The following CELF4 variants were observed in gnomAD, a reference collection of about 807,000 sequenced individuals.
The protein encoded by CELF4 is CUG-BP- and ETR-3-like factor 4.
CELF4 carries 18 observed loss-of-function variants against 59.9 expected under a neutral mutation model. The observed-to-expected ratio is 0.30, with a 90% CI of 0.21 to 0.45. The LOEUF (loss-of-function observed/expected upper bound fraction) is 0.45. Ranked by LOEUF, CELF4 falls within the 20% of genes least tolerant of loss-of-function variation. The pLI, the probability that CELF4 is intolerant of heterozygous loss-of-function variation, is 1.00. For synonymous variants in CELF4, 261 were observed against 267.1 expected, an observed-to-expected ratio of 0.98 and a Z score of 0.22; for missense variants, 456 against 689.0, an observed-to-expected ratio of 0.66 and a Z score of 3.79.
chr18:37,555,896 G>A (rs150936209), intron 1 of CELF4, among the ~76,000 whole-genome samples: 165 of 152,298 alleles, frequency 1.1e-3, no homozygotes, highest in African/African-American at 3.6e-3. Context: ...TGCTTGTGTG[G>A]TGAATGTATG....
intron 7 of CELF4, 60 bp downstream of exon 7, chr18:37,272,956 A>C: frequency 6.5e-7 from 1 of 1,529,080 alleles, no homozygotes; most frequent in South Asian, 1.2e-5. Context: ...ATTAGGTCCC[A>C]GCCTGGGGCC....
chr18:37,493,803 C>T (rs2099920660), intron 1 of CELF4, among the ~76,000 whole-genome samples: 1 of 152,162 alleles, frequency 6.6e-6, no homozygotes, highest in South Asian at 2.1e-4. Flanking sequence ...TTCTTTCAGG[C>T]TCCGTACTGC....
intron 1 of CELF4, among the ~76,000 whole-genome samples, chr18:37,500,178 G>A (rs1401462514): frequency 6.6e-6 from 1 of 152,242 alleles, no homozygotes; most frequent in Admixed American, 6.5e-5. Flanking sequence ...GCGAGGAGGT[G>A]TAGGCCTAGT....
intron 2 of CELF4, among the ~76,000 whole-genome samples, chr18:37,393,053 AGGGACTGCGGTGTGTTAGAGAGACAC>A (rs1569568611): frequency 4.8e-5 from 2 of 41,488 alleles, no homozygotes; most frequent in African/African-American, 3.2e-4. Context: ...GCACAGACAC[AGGGACTGCGGTGTGTTAGAGAGACAC>A]AGGGACTGCG....
chr18:37,400,963 C>T (rs567030028), intron 2 of CELF4, among the ~76,000 whole-genome samples: 499 of 152,330 alleles, frequency 3.3e-3, no homozygotes, highest in African/African-American at 0.01. Context: ...TTGATCCCAG[C>T]GGGGCCTGGG....
chr18:37,487,164 G>A (rs1893371), intron 1 of CELF4, among the ~76,000 whole-genome samples: 55,628 of 151,966 alleles, frequency 0.37, 10,305 homozygotes, highest in South Asian at 0.47. Flanking sequence ...GAATGCTCCC[G>A]GTGTCCTCTG....
chr18:37,380,238 A>G (rs1167294667), intron 2 of CELF4, among the ~76,000 whole-genome samples: 2 of 152,072 alleles, frequency 1.3e-5, no homozygotes, highest in African/African-American at 4.8e-5. Flanking sequence ...CTTGACAAGC[A>G]CCACTCCCCC....
chr18:37,346,414 G>A (rs991619163), intron 2 of CELF4, among the ~76,000 whole-genome samples: 56 of 152,212 alleles, frequency 3.7e-4, no homozygotes, highest in Non-Finnish European at 1.3e-4. Flanking sequence ...GGCAGGGCAG[G>A]TTTGCCAGTT....
chr18:37,326,230 G>GGGGAAGAGCCAGGAGAGGA (rs1341396063), intron 2 of CELF4, among the ~76,000 whole-genome samples: 3 of 152,224 alleles, frequency 2.0e-5, no homozygotes, highest in African/African-American at 7.2e-5. Flanking sequence ...AGAGGGGTCA[G>GGGGAAGAGCCAGGAGAGGA]GGGAAGAGCC....
At chr18:37,301,810 C>G (rs1355351715) in intron 3 of CELF4, among the ~76,000 whole-genome samples, 1 of 152,204 alleles carries the variant, frequency 6.6e-6, no homozygotes, top group Non-Finnish European at 1.5e-5. Flanking sequence ...ATTTCAGTCA[C>G]TAGCCCTTAA....
chr18:37,257,573 A>G (rs1254673046), intron 11 of CELF4, among the ~76,000 whole-genome samples: 26 of 152,164 alleles, frequency 1.7e-4, no homozygotes, highest in Admixed American at 1.7e-3. Context: ...CATGCTCCGA[A>G]TCCTCAAGCC....
intron 2 of CELF4, 113 bp downstream of exon 2, chr18:37,485,411 CG>C (rs5824066): frequency 1 from 342,953 of 343,024 alleles, 171,442 homozygotes; most frequent in Middle Eastern, 1. Flanking sequence ...CGAGCTCAGG[CG>C]GGGCGGCGGG....
At chr18:37,450,072 G>A (rs937222666) in intron 2 of CELF4, among the ~76,000 whole-genome samples, 6 of 152,186 alleles carry the variant, frequency 3.9e-5, no homozygotes, top group Non-Finnish European at 7.4e-5. Flanking sequence ...GGGCCAGGGT[G>A]GGGGAAGAAA....
At chr18:37,515,437 T>G (rs566789756) in intron 1 of CELF4, among the ~76,000 whole-genome samples, 1 of 152,200 alleles carries the variant, frequency 6.6e-6, no homozygotes, top group East Asian at 1.9e-4. Context: ...TTCTCCCTTC[T>G]ATCTTTGGCA....
At chr18:37,423,651 C>G (rs1198873213) in intron 2 of CELF4, among the ~76,000 whole-genome samples, 1 of 152,020 alleles carries the variant, frequency 6.6e-6, no homozygotes, top group Non-Finnish European at 1.5e-5. Context: ...GTGGAGTTAC[C>G]AAAATCCTGG....
chr18:37,405,039 G>A (rs888703080), intron 2 of CELF4, among the ~76,000 whole-genome samples: 1 of 152,144 alleles, frequency 6.6e-6, no homozygotes, highest in Non-Finnish European at 1.5e-5. Flanking sequence ...GTTCACCCAC[G>A]GGGCCACTCT....
chr18:37,360,363 C>T (rs941989590), intron 2 of CELF4, among the ~76,000 whole-genome samples: 8 of 152,184 alleles, frequency 5.3e-5, no homozygotes, highest in African/African-American at 9.6e-5. Context: ...TGGCACCCAC[C>T]GGCTGCACAG....
At chr18:37,357,890 C>A (rs956931342) in intron 2 of CELF4, among the ~76,000 whole-genome samples, 1 of 152,146 alleles carries the variant, frequency 6.6e-6, no homozygotes, top group Non-Finnish European at 1.5e-5. Context: ...TTGTTTTGGC[C>A]AATTTCTCCC....
At chr18:37,312,438 C>T (rs566379990) in intron 3 of CELF4, among the ~76,000 whole-genome samples, 3 of 152,350 alleles carry the variant, frequency 2.0e-5, no homozygotes, top group African/African-American at 7.2e-5. Flanking sequence ...ATGTCTCACA[C>T]AAACCTCTTG....
Sources: gnomAD v4.1 joint callset for allele counts (sites outside exome capture counted in the v4.1 genomes callset) on GRCh38, gnomAD v4.1.1 for gene constraint, MANE v1.5 for transcripts, NCBI Gene and HGNC (gene_info 2026-07-23, HGNC 2026-07-21) for gene names.